Variants in RPS6KA2 observed in about 807,000 individuals in gnomAD.
RPS6KA2 encodes the protein ribosomal protein S6 kinase alpha-2.
A neutral mutation model predicts 91.8 loss-of-function variants in RPS6KA2; 42 were observed. The ratio of observed to expected loss-of-function variants is 0.46; its 90% CI spans 0.36 to 0.59. The LOEUF is 0.59. RPS6KA2 is among the 20% of genes least tolerant of loss of function. The pLI is 0.00. For missense variants in RPS6KA2, 798 were observed against 978.5 expected (o/e 0.82, Z 2.46); for synonymous variants, 414 against 393.6 (o/e 1.05, Z -0.61).
At chr6:166,442,900 C>T (rs1419350597) in intron 14 of RPS6KA2, among the ~76,000 whole-genome samples, 2 of 152,056 alleles carry the variant, frequency 1.3e-5, no homozygotes, top group African/African-American at 4.8e-5. Context: ...AGACAGTTGA[C>T]CCTTGAACAA....
At chr6:166,716,225 C>T (rs1790009497) in intron 2 of RPS6KA2, among the ~76,000 whole-genome samples, 3 of 152,038 alleles carry the variant, frequency 2.0e-5, no homozygotes, top group South Asian at 2.1e-4. Context: ...GCCACAAAAC[C>T]GTCACCAAGC....
intron 2 of RPS6KA2, among the ~76,000 whole-genome samples, chr6:166,847,488 T>C (rs927525856): frequency 1.3e-5 from 2 of 152,056 alleles, no homozygotes; most frequent in Non-Finnish European, 2.9e-5. Context: ...TTGGAGGCAT[T>C]ATATTACCTG....
intron 2 of RPS6KA2, among the ~76,000 whole-genome samples, chr6:166,802,971 T>C (rs1235035713): frequency 6.6e-6 from 1 of 151,276 alleles, no homozygotes; most frequent in African/African-American, 2.4e-5. Flanking sequence ...TATAAAATGA[T>C]TAAATGAGAC....
rs1045647636 is a variant in RPS6KA2, at chr6:166,410,052, T to TG, written c.*2709dup. 6.6e-6 allele frequency: 1 copy of TG among 151,608 alleles called. No homozygotes were observed. The allele number at this position is 151,608 out of a possible 1,614,324, so 9.4% of individuals were successfully genotyped here. On this transcript the variant is annotated 3_prime_UTR_variant, in exon 21 of 21. Transcript: ENST00000265678. ...GGGAGAATCAGGTATTTCTCCCACA[T>TG]GGGGGGCTGCCAGGGAAGGAGGACC... is the stretch of plus-strand genomic sequence containing the variant.
At chr6:166,679,440 G>A (rs1244383102) in intron 2 of RPS6KA2, among the ~76,000 whole-genome samples, 1 of 151,898 alleles carries the variant, frequency 6.6e-6, no homozygotes, top group Non-Finnish European at 1.5e-5. Context: ...CTCCAGCCTG[G>A]GCAACAGAGT....
chr6:166,707,952 T>C (rs905322425), intron 2 of RPS6KA2, among the ~76,000 whole-genome samples: 3 of 152,142 alleles, frequency 2.0e-5, no homozygotes, highest in Admixed American at 6.5e-5. Context: ...CTATGTTGCC[T>C]AGGCCGGTCT....
At chr6:166,669,188 C>G (rs1788404106) in intron 2 of RPS6KA2, among the ~76,000 whole-genome samples, 1 of 152,160 alleles carries the variant, frequency 6.6e-6, no homozygotes, top group South Asian at 2.1e-4. Context: ...GCCCCCGTGC[C>G]TGGCCAGCAT....
intron 1 of RPS6KA2, among the ~76,000 whole-genome samples, chr6:166,555,669 A>G (rs1784156257): frequency 1.3e-5 from 2 of 152,080 alleles, no homozygotes; most frequent in Admixed American, 1.3e-4. Context: ...TCCTGTGTGC[A>G]TCGGGCAAAG....
At chr6:166,653,219 C>T (rs1373166034) in intron 2 of RPS6KA2, among the ~76,000 whole-genome samples, 2 of 152,214 alleles carry the variant, frequency 1.3e-5, no homozygotes, top group Non-Finnish European at 2.9e-5. Flanking sequence ...TGCCACCATG[C>T]CCGACTAATT....
intron 2 of RPS6KA2, among the ~76,000 whole-genome samples, chr6:166,658,380 T>C (rs1371096183): frequency 6.6e-6 from 1 of 152,208 alleles, no homozygotes; most frequent in African/African-American, 2.4e-5. Flanking sequence ...AGCCAAACCC[T>C]TCAGGATCTC....
chr6:166,672,107 TC>T (rs1050201673), intron 2 of RPS6KA2, among the ~76,000 whole-genome samples: 7 of 152,062 alleles, frequency 4.6e-5, no homozygotes, highest in African/African-American at 1.7e-4. Context: ...TATTCTAAAG[TC>T]TACTTGGAAA....
At chr6:166,682,092 T>C (rs535404970) in intron 2 of RPS6KA2, among the ~76,000 whole-genome samples, 41 of 152,356 alleles carry the variant, frequency 2.7e-4, no homozygotes, top group African/African-American at 7.7e-4. Flanking sequence ...GCTGCTGTTA[T>C]GTTTAAGCTA....
At chr6:166,484,956 G>A (rs1244112519) in intron 10 of RPS6KA2, among the ~76,000 whole-genome samples, 1 of 152,226 alleles carries the variant, frequency 6.6e-6, no homozygotes, top group Non-Finnish European at 1.5e-5. Context: ...CTACCTTAGT[G>A]CAGTGCCAAG....
At chr6:166,431,699 C>T (rs1290923962) in intron 15 of RPS6KA2, among the ~76,000 whole-genome samples, 1 of 152,020 alleles carries the variant, frequency 6.6e-6, no homozygotes, top group Non-Finnish European at 1.5e-5. Flanking sequence ...TCAGTGCAAC[C>T]TCCACCTCCC....
At chr6:166,808,495 T>G (rs1779549899) in intron 2 of RPS6KA2, among the ~76,000 whole-genome samples, 1 of 152,180 alleles carries the variant, frequency 6.6e-6, no homozygotes, top group Non-Finnish European at 1.5e-5. Flanking sequence ...GGGCTTTGGT[T>G]TTTTCCTGTG....
chr6:166,426,938 C>T (rs1778937002), intron 16 of RPS6KA2, among the ~76,000 whole-genome samples: 1 of 149,812 alleles, frequency 6.7e-6, no homozygotes, highest in Non-Finnish European at 1.5e-5. Context: ...GGAATCCTCC[C>T]TAACTCATTT....
At chr6:166,707,957 C>T (rs75267022) in intron 2 of RPS6KA2, among the ~76,000 whole-genome samples, 3,530 of 152,126 alleles carry the variant, frequency 0.023, 66 homozygotes, top group East Asian at 0.055. Context: ...TTGCCTAGGC[C>T]GGTCTTGAAC....
chr6:166,855,335 C>A (rs980780953), intron 2 of RPS6KA2, among the ~76,000 whole-genome samples: 1 of 52,878 alleles, frequency 1.9e-5, no homozygotes, highest in African/African-American at 3.1e-5. Context: ...TATTAAAAGA[C>A]GAAGAAGACG....
rs1786225147 is a variant in RPS6KA2, at chr6:166,612,618, A to G, written c.99+14303T>C. 6.6e-6 allele frequency among the ~76,000 whole-genome samples: 1 copy of G among 152,124 alleles called. No homozygotes were observed. The highest frequency in any genetic ancestry group is 2.4e-5 in the African/African-American group (1 of 41,426). On this transcript the variant is annotated intron_variant, in intron 1 of 20. Coordinates refer to ENST00000265678, the MANE Select transcript of RPS6KA2 (RefSeq NM_021135.6). This position sits in a 1 kb window ranked among gnomAD's most constrained non-coding sequence, Gnocchi z 4.3. Reference sequence around the variant, plus strand: ...CCTGCTCATCTGACCGAGGTCAGACACTGCTTTGCAGAGCCCGTGGGCTGT... The same window carrying G: ...CCTGCTCATCTGACCGAGGTCAGACGCTGCTTTGCAGAGCCCGTGGGCTGT...
Sources: allele counts gnomAD v4.1 joint callset (sites outside exome capture counted in the v4.1 genomes callset), GRCh38; gene constraint gnomAD v4.1.1; non-coding constraint Gnocchi (gnomAD v3.1); transcripts MANE v1.5; gene names NCBI Gene and HGNC (gene_info 2026-07-23, HGNC 2026-07-21).